PAK5: variants seen among roughly 807,000 people sequenced by gnomAD.
The protein encoded by PAK5 is serine/threonine-protein kinase PAK 5.
Under a neutral mutation model 65.9 loss-of-function variants are expected in PAK5, and 16 were observed. The ratio of observed to expected loss-of-function variants is 0.24; its 90% CI spans 0.16 to 0.37. The LOEUF (loss-of-function observed/expected upper bound fraction) is 0.37. Among genes scored for constraint, PAK5 ranks in the 10% least tolerant of loss-of-function variants. The pLI is 1.00. For synonymous variants in PAK5, 371 were observed against 354.9 expected (o/e 1.05, Z -0.51); for missense variants, 785 against 903.9 (o/e 0.87, Z 1.69).
intron 1 of PAK5, among the ~76,000 whole-genome samples, chr20:9,803,462 T>C (rs1055560022): frequency 3.9e-5 from 6 of 152,154 alleles, no homozygotes. Flanking sequence ...AGGGTCCCTA[T>C]GTGAAAATGG....
At chr20:9,698,977 T>C (rs1409014118) in intron 2 of PAK5, among the ~76,000 whole-genome samples, 1 of 151,868 alleles carries the variant, frequency 6.6e-6, no homozygotes, top group Non-Finnish European at 1.5e-5. Flanking sequence ...TGAAGCACTT[T>C]ATAGATTCTG....
chr20:9,631,359 A>G (rs2046918727), intron 3 of PAK5, among the ~76,000 whole-genome samples: 1 of 152,098 alleles, frequency 6.6e-6, no homozygotes, highest in South Asian at 2.1e-4. Flanking sequence ...CTTACATTAT[A>G]TGGCAACACT....
chr20:9,569,717 G>A (rs923015148), intron 4 of PAK5, among the ~76,000 whole-genome samples: 5 of 149,138 alleles, frequency 3.4e-5, no homozygotes, highest in Non-Finnish European at 1.5e-5. Flanking sequence ...ACATCATGGA[G>A]CAATAACTGC....
intron 3 of PAK5, among the ~76,000 whole-genome samples, chr20:9,603,117 C>T (rs2046389052): frequency 6.6e-6 from 1 of 152,154 alleles, no homozygotes; most frequent in Admixed American, 6.6e-5. Context: ...AGGAATGGTG[C>T]CCTGGAGGGG....
Position 9,580,830 on chromosome 20 carries a change from T to G in PAK5, c.305A>C (p.Lys102Thr). The G allele has an allele frequency of 6.2e-7, 1 of 1,614,078 alleles. No homozygotes were observed. Among genetic ancestry groups the G allele is most frequent in the South Asian group, 1.1e-5 (1 of 91,062 alleles). The change falls in exon 4 of 10, where the codon AAA becomes ACA. Residue 102 changes from lysine to threonine, a missense_variant. Physicochemically the swap from Lys to Thr is moderately conservative, Grantham distance 78. Coordinates refer to ENST00000353224, the MANE Select transcript of PAK5 (RefSeq NM_177990.4). ...ISVTRSNSLR[K>T]ESPPTPDQGA... ...CTGATCTGGGGTGGGTGGGCTTTCT[T>G]TCCTTAGGGAGTTGGAGCGAGTCAC... is the stretch of plus-strand genomic sequence containing the variant.
intron 4 of PAK5, among the ~76,000 whole-genome samples, chr20:9,578,347 AAG>A (rs2045922451): frequency 6.6e-6 from 1 of 152,192 alleles, no homozygotes; most frequent in African/African-American, 2.4e-5. Context: ...AAAAATAAAA[AAG>A]AGAGAAGACT....
chr20:9,685,501 A>T (rs1374404524), intron 2 of PAK5, among the ~76,000 whole-genome samples: 1 of 152,214 alleles, frequency 6.6e-6, no homozygotes, highest in African/African-American at 2.4e-5. Context: ...AGATTGCCAG[A>T]AAACAACTAG....
At chr20:9,781,977 C>G (rs796940629) in intron 1 of PAK5, among the ~76,000 whole-genome samples, 6 of 152,274 alleles carry the variant, frequency 3.9e-5, no homozygotes, top group African/African-American at 1.2e-4. Context: ...ACTTTCTGCT[C>G]AGAACTCTGC....
At chr20:9,727,935 C>A (rs1443537216) in intron 1 of PAK5, among the ~76,000 whole-genome samples, 1 of 152,096 alleles carries the variant, frequency 6.6e-6, no homozygotes, top group Non-Finnish European at 1.5e-5. Flanking sequence ...TCAATCACTT[C>A]TTCAAGGAGA....
chr20:9,725,133 G>A (rs993012381), intron 1 of PAK5, among the ~76,000 whole-genome samples: 1 of 151,998 alleles, frequency 6.6e-6, no homozygotes, highest in African/African-American at 2.4e-5. Flanking sequence ...ATATAACTGT[G>A]CCCTGCAACA....
chr20:9,743,683 G>T (rs2048475640), intron 1 of PAK5, among the ~76,000 whole-genome samples: 1 of 152,098 alleles, frequency 6.6e-6, no homozygotes, highest in Admixed American at 6.6e-5. Context: ...GTTGGGTAGG[G>T]TCCATGATGC....
chr20:9,730,829 T>C (rs140488593), intron 1 of PAK5, among the ~76,000 whole-genome samples: 3 of 152,338 alleles, frequency 2.0e-5, no homozygotes, highest in African/African-American at 7.2e-5. Context: ...TGATCTATTA[T>C]ATAAGGACTC....
At chr20:9,766,380 ATATATATG>A (rs1569079064) in intron 1 of PAK5, among the ~76,000 whole-genome samples, 2 of 75,284 alleles carry the variant, frequency 2.7e-5, no homozygotes, top group Non-Finnish European at 4.6e-5. Flanking sequence ...TTCAAGCAGA[ATATATATG>A]TATATATATA....
chr20:9,610,449 A>G (rs531153924), intron 3 of PAK5, among the ~76,000 whole-genome samples: 202 of 152,306 alleles, frequency 1.3e-3, no homozygotes, highest in African/African-American at 4.7e-3. Context: ...GTTCCATCCC[A>G]TGACTGTAGA....
At chr20:9,834,351 T>G (rs1978979767) in intron 1 of PAK5, among the ~76,000 whole-genome samples, 1 of 152,190 alleles carries the variant, frequency 6.6e-6, no homozygotes, top group South Asian at 2.1e-4. Context: ...AGACATTAAG[T>G]CACTTCTCAC....
intron 2 of PAK5, among the ~76,000 whole-genome samples, chr20:9,691,168 A>G (rs1031165256): frequency 6.6e-6 from 1 of 152,182 alleles, no homozygotes; most frequent in African/African-American, 2.4e-5. Flanking sequence ...CTAGTTTCCT[A>G]GAAACATATT....
At position 9,576,171 on chromosome 20, in the gene PAK5, C is replaced by T. The variant is rs112513607; in HGVS notation, c.990+3974G>A. 7.2e-5 allele frequency among the ~76,000 whole-genome samples: 11 copies of T among 152,296 alleles called. 1 individual carries two copies. The South Asian group carries it at 1.0e-3, about 14-fold the overall frequency. ...AACCCTCATACTATATAATGAGACA[C>T]GGGCTGTCTTTATCCTTATTTTGTA... On this transcript the variant is annotated intron_variant, in intron 4 of 9. Transcript: ENST00000353224.
intron 2 of PAK5, among the ~76,000 whole-genome samples, chr20:9,667,283 A>G (rs537051075): frequency 6.6e-6 from 1 of 152,268 alleles, no homozygotes; most frequent in Admixed American, 6.5e-5. Flanking sequence ...ATGTCAAAAA[A>G]AAATTGTAGA....
chr20:9,783,815 C>G (rs892116451), intron 1 of PAK5, among the ~76,000 whole-genome samples: 1 of 152,122 alleles, frequency 6.6e-6, no homozygotes, highest in Non-Finnish European at 1.5e-5. Context: ...ATGATGTTCT[C>G]AAAGATTCTG....
Sources: allele counts gnomAD v4.1 joint callset (sites outside exome capture counted in the v4.1 genomes callset), GRCh38; gene constraint gnomAD v4.1.1; transcripts MANE v1.5; gene names NCBI Gene and HGNC (gene_info 2026-07-23, HGNC 2026-07-21).